The following MYH2 variants were observed in gnomAD, a reference collection of about 807,000 sequenced individuals.
The protein encoded by MYH2 is myosin-2.
In MYH2, 139 loss-of-function variants were observed where a neutral mutation model predicts 228.1. The observed-to-expected ratio is 0.61, with a 90% CI of 0.53 to 0.70. MYH2 has a LOEUF of 0.70. MYH2 is among the 30% of genes least tolerant of loss of function. The pLI, the probability that MYH2 is intolerant of heterozygous loss-of-function variation, is 0.00. For synonymous variants in MYH2, 796 were observed against 871.1 expected (o/e 0.91, Z 1.52); for missense variants, 1,809 against 2,357.5 (o/e 0.77, Z 4.82).
chr17:10,540,564 A>G (rs78283584), intron 11 of MYH2, 30 bp downstream of exon 11: 6 of 1,534,754 alleles, frequency 3.9e-6, no homozygotes, highest in Non-Finnish European at 5.4e-6. Flanking sequence ...ACCCACCATA[A>G]TAATTCCAAT....
chr17:10,533,630 T>C lies in MYH2; in HGVS notation c.2183A>G (p.Tyr728Cys). The C allele has an allele frequency of 1.9e-6, 3 of 1,614,134 alleles. No individual in the cohort carries two copies. Among genetic ancestry groups the C allele is most frequent in the Non-Finnish European group, 2.5e-6 (3 of 1,179,950 alleles). The change falls in exon 20 of 40, where the codon TAC becomes TGC. Residue 728 changes from tyrosine (Y) to cysteine (C), a missense_variant and splice_region_variant. By Grantham distance (194) the Tyr-to-Cys change is radical. Coordinates refer to ENST00000245503, the MANE Select transcript of MYH2 (RefSeq NM_017534.6). The part of the protein sequence containing the change: ...RILYADFKQR[Y>C]KVLNASAIPE... ...GATTGCACTTGCATTTAATACCTTG[T>C]ATCTGTTGAAGTACATATAGCTTTT...
chr17:10,547,719 C>T lies in MYH2; in HGVS notation c.202G>A (p.Ala68Thr). Reference sequence around the variant, plus strand: ...CAAGCTCCTGGGATTCTACTCACCGCTCCTCCCTCAGTCTTCACCGTCACT... The same window carrying T: ...CAAGCTCCTGGGATTCTACTCACCGTTCCTCCCTCAGTCTTCACCGTCACT... ...GKVTVKTEGG[A>T]TLTVKDDQVF... Residue 68 changes from alanine (A) to threonine (T), a missense_variant and splice_region_variant, in exon 3 of 40, where the codon GCG becomes ACG. By Grantham distance (58) the Ala-to-Thr change is moderately conservative. This residue lies in a region of MYH2 where 84 missense variants were observed against 81.8 expected (regional missense o/e 1.03). Transcript: ENST00000245503. 1 of 1,614,206 alleles carries T rather than the reference C, an allele frequency of 6.2e-7. No individual in the cohort carries two copies. The highest frequency in any genetic ancestry group is 8.5e-7 in the Non-Finnish European group (1 of 1,180,034).
rs371996772 is a variant in MYH2 at position 10,531,909 on chromosome 17, A to C, written c.2442-21T>G. The C allele has an allele frequency of 2.1e-4, 336 of 1,613,632 alleles. 1 individual carries two copies. The highest frequency in any genetic ancestry group is 2.7e-4 in the Non-Finnish European group (317 of 1,179,798). ...CCTCCCTGAAATTTAATTGATGCAA[A>C]TTAGTATTGTGTGGTTGATGCAATG... is the stretch of plus-strand genomic sequence containing the variant. On this transcript the variant is annotated intron_variant, in intron 21 of 39. Transcript: ENST00000245503.
chr17:10,537,014 G>A lies in MYH2; in HGVS notation c.1897+219C>T, dbSNP rs2073489100. 6.6e-6 allele frequency among the ~76,000 whole-genome samples: 1 copy of A among 152,154 alleles called. No individual in the cohort carries two copies. The highest frequency in any genetic ancestry group is 6.6e-5 in the Admixed American group (1 of 15,266). ...TCGTAGAAGCTGAGGCTTTTCATTG[G>A]TTGAGAGCCTGATAATCCTCTCTGA... On this transcript the variant is annotated intron_variant, in intron 16 of 39. Coordinates refer to ENST00000245503, the MANE Select transcript of MYH2 (RefSeq NM_017534.6). This position sits in a 1 kb window ranked among gnomAD's most constrained non-coding sequence, Gnocchi z 4.0.
chr17:10,523,976 C>T (rs879175003), intron 35 of MYH2, 92 bp from the exon 36 acceptor site: 1 of 1,361,208 alleles, frequency 7.3e-7, no homozygotes, highest in South Asian at 1.3e-5. Flanking sequence ...TAAAAATTTG[C>T]AAGTCAAAAA....
chr17:10,521,263 A>G lies in MYH2; in HGVS notation c.*17T>C, dbSNP rs572409397. 104 of 1,613,036 alleles carry G rather than the reference A, an allele frequency of 6.4e-5. No homozygotes were observed. The highest frequency in any genetic ancestry group is 7.9e-5 in the Non-Finnish European group (93 of 1,179,916). ...TTTTGTGCCTGTCTTCAGTCATTCC[A>G]TGGCATCAGGACATGATCACTCTTC... On this transcript the variant is annotated 3_prime_UTR_variant, in exon 40 of 40. Transcript: ENST00000245503.
Position 10,539,562 on chromosome 17 carries a change from A to G in MYH2, c.1148T>C (p.Val383Ala), listed in dbSNP as rs751438184. 1 of 1,611,290 alleles carries G rather than the reference A, an allele frequency of 6.2e-7. No individual in the cohort carries two copies. Among genetic ancestry groups the G allele is most frequent in the South Asian group, 1.1e-5 (1 of 91,020 alleles). The change falls in exon 13 of 40, where the codon GTT becomes GCT. Residue 383 changes from valine to alanine, a missense_variant and splice_region_variant. By Grantham distance (64) the Val-to-Ala change is moderately conservative. This residue lies in a region of MYH2 where 373 missense variants were observed against 620.4 expected (regional missense o/e 0.60). Coordinates refer to ENST00000245503, the MANE Select transcript of MYH2 (RefSeq NM_017534.6). ...CTGGAGGTAGGCCGCCTTGTCAGCA[A>G]CTAAAAAGAAGAAAGAGTAGAACAA... is the stretch of plus-strand genomic sequence containing the variant. Reference protein sequence around the residue: ...EEQAEPDGTEVADKAAYLQSL... With the variant: ...EEQAEPDGTEAADKAAYLQSL...
intron 2 of MYH2, among the ~76,000 whole-genome samples, chr17:10,548,667 C>T (rs181185069): frequency 5.3e-5 from 8 of 152,292 alleles, no homozygotes; most frequent in Admixed American, 3.3e-4. Context: ...CAGTAGCCAA[C>T]GTTAACCTCA....
intron 39 of MYH2, 88 bp downstream of exon 39, chr17:10,523,002 A>C: frequency 1.1e-6 from 1 of 874,528 alleles, no homozygotes; most frequent in Non-Finnish European, 1.9e-6. Flanking sequence ...TGCATGCAGT[A>C]GTCTTTAAAG....
intron 35 of MYH2, 80 bp from the exon 36 acceptor site, chr17:10,523,964 G>A: frequency 1.4e-6 from 2 of 1,472,730 alleles, no homozygotes; most frequent in African/African-American, 1.4e-5. Flanking sequence ...AAAAAATTCA[G>A]ATAAAAATTT....
rs2073383597 is a variant in MYH2, at chr17:10,528,607, A to C, written c.3744+83T>G. ...AATTACTGCAGTTAACAAATGACTT[A>C]ATGTGTAAAAAGTGCCCTGTGCAAA... On this transcript the variant is annotated intron_variant, in intron 27 of 39. Coordinates refer to ENST00000245503, the MANE Select transcript of MYH2 (RefSeq NM_017534.6). 1.9e-6 allele frequency: 3 copies of C among 1,595,436 alleles called. No homozygotes were observed. In the East Asian group the frequency reaches 6.7e-5, roughly 36 times the overall value.
intron 28 of MYH2, 87 bp downstream of exon 28, chr17:10,527,661 T>C: frequency 6.3e-7 from 1 of 1,598,668 alleles, no homozygotes; most frequent in East Asian, 2.2e-5. Flanking sequence ...TCAGCTGTTT[T>C]ATTAGGCTCC....
intron 10 of MYH2, 74 bp from the exon 11 acceptor site, chr17:10,540,771 G>T: frequency 1.5e-6 from 2 of 1,314,650 alleles, no homozygotes; most frequent in Non-Finnish European, 2.2e-6. Flanking sequence ...TAGACAAATT[G>T]TGAGGCACTA....
At position 10,535,333 on chromosome 17, in the gene MYH2, C is replaced by G; in HGVS notation, c.2007G>C (p.Arg669Ser). Residue 669 changes from arginine to serine, a missense_variant, in exon 18 of 40, where the codon AGG (arginine) becomes AGC (serine). Coordinates refer to ENST00000245503, the MANE Select transcript of MYH2 (RefSeq NM_017534.6). ...ENLNKLMTNL[R>S]STHPHFVRCI... ...ACCTCACAAAGTGAGGATGGGTACT[C>G]CTGAGGTTGGTCATCAGCTTGTTCA... 1 of 1,614,106 alleles carries G rather than the reference C, an allele frequency of 6.2e-7. No homozygotes were observed. The highest frequency in any genetic ancestry group is 8.5e-7 in the Non-Finnish European group (1 of 1,180,024).
chr17:10,524,438 A>G lies in MYH2; in HGVS notation c.5175+28T>C. Reference sequence around the variant, plus strand: ...TATTCTGGGACATATAAAATTTACTAAGGAGAGTTCTTTGTGCTGAATCCC... The same window carrying G: ...TATTCTGGGACATATAAAATTTACTGAGGAGAGTTCTTTGTGCTGAATCCC... On this transcript the variant is annotated intron_variant, in intron 35 of 39. Transcript: ENST00000245503. The surrounding 1 kb of genome is among the most constrained non-coding windows in gnomAD (Gnocchi z 4.7). 1.9e-6 allele frequency: 3 copies of G among 1,613,880 alleles called. No individual in the cohort carries two copies. Among genetic ancestry groups the G allele is most frequent in the Middle Eastern group, 1.7e-4 (1 of 6,058 alleles).
chr17:10,539,714 G>T, intron 12 of MYH2, 152 bp from the exon 13 acceptor site: 2 of 1,168,422 alleles, frequency 1.7e-6, no homozygotes, highest in Non-Finnish European at 2.5e-6. Context: ...TCAAGTTTTT[G>T]ATTATGGGGT....
rs776820408 is a variant in MYH2, at chr17:10,525,773, C to T, written c.4291G>A (p.Val1431Ile). 9.3e-6 allele frequency: 15 copies of T among 1,614,208 alleles called. No homozygotes were observed. Among genetic ancestry groups the T allele is most frequent in the Admixed American group, 3.3e-5 (2 of 60,030 alleles). The stretch of plus-strand genomic sequence containing the variant: ...TCCACATCAAGCATGAGGTCCTCGA[C>T]CTCATTCTGCAGCCGCTGCTTCGTC... Reference protein sequence around the residue: ...EKTKQRLQNEVEDLMLDVERT... With the variant: ...EKTKQRLQNEIEDLMLDVERT... The change falls in exon 31 of 40, where the codon GTC becomes ATC. Residue 1431 changes from valine to isoleucine, a missense_variant. Physicochemically the swap from Val to Ile is conservative, Grantham distance 29 (BLOSUM62 3). This residue lies in a region of MYH2 where 636 missense variants were observed against 729.9 expected (regional missense o/e 0.87). Coordinates refer to ENST00000245503, the MANE Select transcript of MYH2 (RefSeq NM_017534.6). The surrounding 1 kb of genome is among the most constrained non-coding windows in gnomAD (Gnocchi z 4.2).
intron 10 of MYH2, among the ~76,000 whole-genome samples, chr17:10,541,395 T>C (rs2073552974): frequency 6.6e-6 from 1 of 152,170 alleles, no homozygotes; most frequent in Admixed American, 6.5e-5. Flanking sequence ...GAAATAAGCC[T>C]GGTCTCCTTT....
Position 10,537,212 on chromosome 17 carries a change from T to C in MYH2, c.1897+21A>G, listed in dbSNP as rs767889900. 6.2e-7 allele frequency: 1 copy of C among 1,613,652 alleles called. No individual in the cohort carries two copies. Among genetic ancestry groups the C allele is most frequent in the African/African-American group, 1.3e-5 (1 of 74,928 alleles). On this transcript the variant is annotated intron_variant, in intron 16 of 39. Transcript: ENST00000245503. This position sits in a 1 kb window ranked among gnomAD's most constrained non-coding sequence, Gnocchi z 4.0. ...CACATTTTGTAATACCTAGAGAGTATTATTAACATTTGAGCATTACCTCCT... is the reference window on the plus strand; with the variant it reads ...CACATTTTGTAATACCTAGAGAGTACTATTAACATTTGAGCATTACCTCCT...
Sources: gnomAD v4.1 joint callset for allele counts (sites outside exome capture counted in the v4.1 genomes callset) on GRCh38, gnomAD v4.1.1 for gene constraint, gnomAD v4.1.1 regional missense constraint, Gnocchi (gnomAD v3.1) non-coding constraint, MANE v1.5 for transcripts, NCBI Gene and HGNC (gene_info 2026-07-23, HGNC 2026-07-21) for gene names.